The following RASGRF2 variants were observed in gnomAD, a reference collection of about 807,000 sequenced individuals.
RASGRF2 encodes Ras protein specific guanine nucleotide releasing factor 2.
Under a neutral mutation model 151.0 loss-of-function variants are expected in RASGRF2, and 76 were observed. That is an observed-to-expected ratio of 0.50 (90% CI 0.42 to 0.61). RASGRF2 has a LOEUF of 0.61. Among genes scored for constraint, RASGRF2 ranks in the 20% least tolerant of loss-of-function variants. RASGRF2 has a pLI of 0.00. For missense variants in RASGRF2, 1,148 were observed against 1,564.6 expected (o/e 0.73, Z 4.49); for synonymous variants, 504 against 566.5 (o/e 0.89, Z 1.57).
intron 1 of RASGRF2, among the ~76,000 whole-genome samples, chr5:81,011,492 A>T (rs1281556206): frequency 6.6e-6 from 1 of 152,220 alleles, no homozygotes; most frequent in Non-Finnish European, 1.5e-5. Flanking sequence ...CTGTAATCCC[A>T]GCACTTTGGG....
chr5:81,069,890 C>A (rs766617262), intron 3 of RASGRF2: 1 of 152,840 alleles, frequency 6.5e-6, no homozygotes, highest in East Asian at 1.9e-4. Flanking sequence ...TGAAATGCCC[C>A]TCACAGGTCA....
In RASGRF2 at chr5:81,113,799, G is replaced by A. The variant is rs1214412186; in HGVS notation, c.2349G>A (p.Gln783=). ...PAASPPPHTG[Q]IPLDLSRGLS... is the part of the protein sequence containing the mutation. ...CGTCTCCACCACCACACACTGGTCA[G>A]ATACCACTGGATCTCAGCAGAGGCC... The change falls in exon 15 of 27, where the codon CAG becomes CAA. Residue 783 remains glutamine (Q), a synonymous_variant. Transcript: ENST00000265080. The A allele has an allele frequency of 6.2e-7, 1 of 1,614,054 alleles. No homozygotes were observed. The highest frequency in any genetic ancestry group is 8.5e-7 in the Non-Finnish European group (1 of 1,180,052).
At chr5:81,209,935 C>T (rs1334117784) in intron 22 of RASGRF2, among the ~76,000 whole-genome samples, 3 of 152,190 alleles carry the variant, frequency 2.0e-5, no homozygotes, top group Non-Finnish European at 2.9e-5. Flanking sequence ...TAGACGTCAT[C>T]TTCTCCCTTA....
At chr5:81,161,828 C>T (rs993573985) in intron 17 of RASGRF2, among the ~76,000 whole-genome samples, 11 of 151,988 alleles carry the variant, frequency 7.2e-5, no homozygotes, top group African/African-American at 2.4e-4. Context: ...ACATTGTTGG[C>T]CCCAAGGAAC....
intron 5 of RASGRF2, 125 bp from the exon 6 acceptor site, chr5:81,079,996 G>A: frequency 8.2e-7 from 1 of 1,224,412 alleles, no homozygotes; most frequent in South Asian, 1.7e-5. Context: ...TTATTATTGG[G>A]TATAGTTTGG....
intron 1 of RASGRF2, among the ~76,000 whole-genome samples, chr5:81,019,169 G>A (rs1749745348): frequency 6.6e-6 from 1 of 152,182 alleles, no homozygotes; most frequent in African/African-American, 2.4e-5. Context: ...CTGCCCACAG[G>A]ATGTCAGGGA....
intron 1 of RASGRF2, among the ~76,000 whole-genome samples, chr5:81,009,986 G>A (rs970400662): frequency 3.9e-5 from 6 of 152,016 alleles, no homozygotes; most frequent in East Asian, 3.9e-4. Flanking sequence ...GTGAAACCTC[G>A]TTTCTATGAA....
At chr5:81,087,175 A>G (rs1475107330) in intron 9 of RASGRF2, 1 of 702,846 alleles carries the variant, frequency 1.4e-6, no homozygotes, top group Admixed American at 2.0e-5. Context: ...CGAGTGGGGC[A>G]GGCAGTTACA....
At chr5:81,068,289 C>G in intron 3 of RASGRF2, 110 bp downstream of exon 3, 3 of 1,279,486 alleles carry the variant, frequency 2.3e-6, no homozygotes, top group Non-Finnish European at 3.2e-6. Context: ...CTGACTTCCT[C>G]TGACATCAAC....
At position 81,073,430 on chromosome 5, in the gene RASGRF2, G is replaced by A. The variant is rs747963579; in HGVS notation, c.865G>A (p.Val289Ile). The A allele has an allele frequency of 2.7e-5, 44 of 1,613,926 alleles. No homozygotes were observed. Among genetic ancestry groups the A allele is most frequent in the Non-Finnish European group, 3.4e-5 (40 of 1,180,014 alleles). ...SKKPPISHDD[V>I]SSIFLNSETI... ...GAAGCCCCCCATCAGCCACGACGAC[G>A]TCAGCAGTATTTTTCTTAACAGGTT... The change falls in exon 5 of 27, where the codon GTC becomes ATC. Residue 289 changes from valine (V) to isoleucine (I), a missense_variant. Val to Ile is a conservative substitution (Grantham distance 29). Coordinates refer to ENST00000265080, the MANE Select transcript of RASGRF2 (RefSeq NM_006909.3).
At chr5:81,196,062 C>T (rs1755258191) in intron 18 of RASGRF2, among the ~76,000 whole-genome samples, 1 of 152,176 alleles carries the variant, frequency 6.6e-6, no homozygotes, top group African/African-American at 2.4e-5. Context: ...AGTTCGAGAC[C>T]AGCCTGGCCA....
At chr5:81,166,261 A>G (rs2112648702) in intron 17 of RASGRF2, among the ~76,000 whole-genome samples, 1 of 152,026 alleles carries the variant, frequency 6.6e-6, no homozygotes, top group Non-Finnish European at 1.5e-5. Flanking sequence ...ATCTCAGCTC[A>G]CTGCAACCTC....
At chr5:81,087,693 T>A (rs1368674811) in intron 9 of RASGRF2, 3 of 344,940 alleles carry the variant, frequency 8.7e-6, no homozygotes, top group Non-Finnish European at 1.1e-5. Flanking sequence ...TTAGGTCCTC[T>A]GGGGGAGGGG....
chr5:81,225,625 T>G (rs1755956023), intron 26 of RASGRF2, 53 bp from the exon 27 acceptor site: 1 of 1,592,766 alleles, frequency 6.3e-7, no homozygotes, highest in South Asian at 1.2e-5. Context: ...TCAGAAAATG[T>G]ACGCACTGGT....
chr5:80,969,605 C>A (rs566842833), intron 1 of RASGRF2, among the ~76,000 whole-genome samples: 3 of 150,020 alleles, frequency 2.0e-5, no homozygotes, highest in Non-Finnish European at 4.4e-5. Context: ...CCCGCCACCA[C>A]GCCCGGCTAA....
chr5:81,173,725 GAGT>G (rs1290388560), intron 17 of RASGRF2, among the ~76,000 whole-genome samples: 7 of 152,196 alleles, frequency 4.6e-5, no homozygotes, highest in African/African-American at 1.2e-4. Flanking sequence ...TGAGTTGGAG[GAGT>G]AACAAATTAA....
At chr5:80,985,680 G>T (rs1296310977) in intron 1 of RASGRF2, among the ~76,000 whole-genome samples, 1 of 152,186 alleles carries the variant, frequency 6.6e-6, no homozygotes, top group African/African-American at 2.4e-5. Context: ...GATCGCCAGT[G>T]ACTTTCCCAC....
At chr5:81,214,994 C>T (rs1755702555) in intron 23 of RASGRF2, among the ~76,000 whole-genome samples, 1 of 152,194 alleles carries the variant, frequency 6.6e-6, no homozygotes, top group African/African-American at 2.4e-5. Flanking sequence ...TGGAGATTAA[C>T]ACTCTAAAGG....
At position 81,086,816 on chromosome 5, in the gene RASGRF2, T is replaced by C; in HGVS notation, c.1272-19T>C. The C allele has an allele frequency of 6.4e-7, 1 of 1,565,526 alleles. No individual in the cohort carries two copies. Among genetic ancestry groups the C allele is most frequent in the Non-Finnish European group, 8.8e-7 (1 of 1,135,918 alleles). On this transcript the variant is annotated intron_variant, in intron 8 of 26. Coordinates refer to ENST00000265080, the MANE Select transcript of RASGRF2 (RefSeq NM_006909.3). ...GAGAAAATCTCTCTTACTGTGATCC[T>C]GTCTGTGTTGTGTCACAGAGTAATG...
Sources: gnomAD v4.1 joint callset for allele counts (sites outside exome capture counted in the v4.1 genomes callset) on GRCh38, gnomAD v4.1.1 for gene constraint, MANE v1.5 for transcripts, NCBI Gene and HGNC (gene_info 2026-07-23, HGNC 2026-07-21) for gene names.